ANO3: variants seen among roughly 807,000 people sequenced by gnomAD.
The protein encoded by ANO3 is anoctamin 3.
Under a neutral mutation model 144.8 loss-of-function variants are expected in ANO3, and 99 were observed. That is an observed-to-expected ratio of 0.68 (90% CI 0.58 to 0.81). The LOEUF is 0.81. ANO3 is among the 30% of genes least tolerant of loss of function. The probability of loss-of-function intolerance (pLI) is 0.00; values close to 1 mark genes in which losing one functional copy is unlikely to be tolerated. For missense variants in ANO3, 905 were observed against 1,202.2 expected, an observed-to-expected ratio of 0.75 and a Z score of 3.66; for synonymous variants, 414 against 392.6, an observed-to-expected ratio of 1.05 and a Z score of -0.64.
chr11:26,503,549 A>G (rs1458927025), intron 4 of ANO3, among the ~76,000 whole-genome samples: 2 of 152,110 alleles, frequency 1.3e-5, no homozygotes, highest in Non-Finnish European at 2.9e-5. Flanking sequence ...AGGTTTCCAA[A>G]TTTTGCTATG....
intron 1 of ANO3, among the ~76,000 whole-genome samples, chr11:26,316,597 A>T (rs1024274733): frequency 6.6e-6 from 1 of 152,176 alleles, no homozygotes; most frequent in Non-Finnish European, 1.5e-5. Context: ...AACCGGTTAG[A>T]CCACAAATTC....
rs75217495 is a variant in ANO3, at chr11:26,656,157, C to T, written c.2609C>T (p.Ser870Phe). ...CLKGYVNNSL[S>F]FFDLSELGMG... ...AAGGGATATGTCAACAATAGCCTAT[C>T]CTTCTTTGACCTGAGTGAGCTTGGT... is the stretch of plus-strand genomic sequence containing the variant. Residue 870 changes from serine (S) to phenylalanine (F), a missense_variant, in exon 25 of 27, where the codon TCC (serine) becomes TTC (phenylalanine). Physicochemically the swap from Ser to Phe is radical, Grantham distance 155. This residue lies in a region of ANO3 where 597 missense variants were observed against 865.1 expected (regional missense o/e 0.69). Coordinates refer to ENST00000256737, the MANE Select transcript of ANO3 (RefSeq NM_031418.4). 16 of 1,613,620 alleles carry T rather than the reference C, an allele frequency of 9.9e-6. No homozygotes were observed. Among genetic ancestry groups the T allele is most frequent in the African/African-American group, 1.3e-5 (1 of 75,002 alleles).
chr11:26,283,321 A>ATATATATATATAT (rs1853722376), intron 1 of ANO3, among the ~76,000 whole-genome samples: 41 of 49,036 alleles, frequency 8.4e-4, no homozygotes, highest in Non-Finnish European at 1.3e-3. Flanking sequence ...CAAATAAATA[A>ATATATATATATAT]ATATATATAT....
intron 14 of ANO3, among the ~76,000 whole-genome samples, chr11:26,586,504 T>A (rs914529488): frequency 6.9e-5 from 2 of 29,128 alleles, no homozygotes; most frequent in Non-Finnish European, 2.0e-4. Context: ...GGTGAGAATC[T>A]TTTTTTTTTT....
intron 3 of ANO3, among the ~76,000 whole-genome samples, chr11:26,446,048 T>C (rs1461448599): frequency 2.0e-5 from 3 of 152,044 alleles, no homozygotes; most frequent in Non-Finnish European, 4.4e-5. Flanking sequence ...GCCAGGCTGG[T>C]CTCAAACTCC....
chr11:26,227,038 T>C (rs890043756), intron 1 of ANO3, among the ~76,000 whole-genome samples: 3 of 152,180 alleles, frequency 2.0e-5, no homozygotes, highest in Non-Finnish European at 2.9e-5. Context: ...GAAACTCTTG[T>C]AATCATATAT....
chr11:26,397,607 C>A (rs2133970306), intron 1 of ANO3, among the ~76,000 whole-genome samples: 1 of 152,068 alleles, frequency 6.6e-6, no homozygotes, highest in Non-Finnish European at 1.5e-5. Context: ...TTAGGGTGCA[C>A]AATGATGTTT....
At chr11:26,569,834 C>T (rs1034248885) in intron 14 of ANO3, among the ~76,000 whole-genome samples, 2 of 151,940 alleles carry the variant, frequency 1.3e-5, no homozygotes, top group African/African-American at 2.4e-5. Context: ...CATCTGTCAG[C>T]CAGGTGCACT....
chr11:26,609,010 G>A (rs1852014013), intron 17 of ANO3, among the ~76,000 whole-genome samples: 1 of 152,162 alleles, frequency 6.6e-6, no homozygotes, highest in Admixed American at 6.5e-5. Context: ...GATTCTAGTT[G>A]AGAGGCTTTT....
chr11:26,380,187 A>T (rs1438210562), intron 1 of ANO3, among the ~76,000 whole-genome samples: 2 of 152,182 alleles, frequency 1.3e-5, no homozygotes, highest in African/African-American at 4.8e-5. Flanking sequence ...GGTTGTTATT[A>T]TAGGTAAAGC....
chr11:26,654,642 A>G (rs1366487449), intron 24 of ANO3, among the ~76,000 whole-genome samples: 1 of 152,132 alleles, frequency 6.6e-6, no homozygotes, highest in Non-Finnish European at 1.5e-5. Flanking sequence ...AGAAATAGTT[A>G]CAAGGGAAAC....
chr11:26,475,726 A>T (rs1349584320), intron 4 of ANO3, among the ~76,000 whole-genome samples: 1 of 152,128 alleles, frequency 6.6e-6, no homozygotes, highest in Non-Finnish European at 1.5e-5. Context: ...ATTGATAAGC[A>T]GAATTATCAC....
chr11:26,509,218 A>G (rs1194052370), intron 5 of ANO3, among the ~76,000 whole-genome samples: 1 of 152,036 alleles, frequency 6.6e-6, no homozygotes, highest in Admixed American at 6.6e-5. Context: ...CTAGATACAT[A>G]TTATTACAAC....
At chr11:26,402,286 A>G (rs1486745391) in intron 1 of ANO3, among the ~76,000 whole-genome samples, 1 of 151,856 alleles carries the variant, frequency 6.6e-6, no homozygotes, top group African/African-American at 2.4e-5. Flanking sequence ...TTTCTCCACA[A>G]CTTCGCCAGT....
chr11:26,244,080 G>A (rs1852725958), intron 1 of ANO3, among the ~76,000 whole-genome samples: 1 of 143,308 alleles, frequency 7.0e-6, no homozygotes, highest in Admixed American at 7.2e-5. Context: ...TTGTGCCACT[G>A]CACTCCAACC....
intron 1 of ANO3, among the ~76,000 whole-genome samples, chr11:26,274,716 T>C (rs1853519918): frequency 6.6e-6 from 1 of 152,138 alleles, no homozygotes; most frequent in African/African-American, 2.4e-5. Context: ...TACTTTTGCT[T>C]TAGGTTAGGA....
intron 5 of ANO3, among the ~76,000 whole-genome samples, chr11:26,510,132 C>CAAAAAAAAA (rs67543168): frequency 1.7e-4 from 8 of 46,594 alleles, no homozygotes; most frequent in Admixed American, 2.8e-4. Context: ...GACTCCATCT[C>CAAAAAAAAA]AAAAAAAAAA....
chr11:26,550,245 T>A (rs1330915751), intron 12 of ANO3, among the ~76,000 whole-genome samples: 13 of 151,748 alleles, frequency 8.6e-5, no homozygotes, highest in Non-Finnish European at 1.8e-4. Context: ...TATATTTAAT[T>A]ATCAATTGAT....
At chr11:26,619,497 G>A (rs1852353569) in intron 17 of ANO3, among the ~76,000 whole-genome samples, 1 of 151,526 alleles carries the variant, frequency 6.6e-6, no homozygotes, top group Admixed American at 6.6e-5. Context: ...TTTTTGAGAT[G>A]GAGTCTCACT....
Sources: gnomAD v4.1 joint callset for allele counts (sites outside exome capture counted in the v4.1 genomes callset) on GRCh38, gnomAD v4.1.1 for gene constraint, gnomAD v4.1.1 regional missense constraint, MANE v1.5 for transcripts, NCBI Gene and HGNC (gene_info 2026-07-23, HGNC 2026-07-21) for gene names.